CHST12: variants seen among roughly 807,000 people sequenced by gnomAD.
CHST12 encodes the protein carbohydrate sulfotransferase 12.
In CHST12, 23 loss-of-function variants were observed where a neutral mutation model predicts 27.9. The observed-to-expected ratio is 0.82, with a 90% CI of 0.59 to 1.17. CHST12 has a LOEUF of 1.17. CHST12 is among the 50% of genes most tolerant of loss of function. The pLI is 0.00. For missense variants in CHST12, 682 were observed against 603.0 expected, an observed-to-expected ratio of 1.13 and a Z score of -1.37; for synonymous variants, 322 against 273.0, an observed-to-expected ratio of 1.18 and a Z score of -1.77.
rs138895778 is a variant in CHST12, at chr7:2,432,638, G to C, written c.-2G>C. 42 of 1,604,154 alleles carry C rather than the reference G, an allele frequency of 2.6e-5. No homozygotes were observed. In the African/African-American group the frequency reaches 3.7e-4, roughly 14 times the overall value. On this transcript the variant is annotated 5_prime_UTR_variant, in exon 2 of 2. Transcript: ENST00000618655. ...GAGAGGGCCCAGCCCGCCCGGGGCA[G>C]GATGACCAAGGCCCGGCTGTTCCGG...
chr7:2,432,250 G>A (rs559756252), intron 1 of CHST12, among the ~76,000 whole-genome samples: 1 of 150,738 alleles, frequency 6.6e-6, no homozygotes, highest in African/African-American at 2.4e-5. Context: ...CACTCCCTGG[G>A]AGGCGTCCTC....
chr7:2,417,961 G>C (rs1781853969), intron 1 of CHST12, among the ~76,000 whole-genome samples: 2 of 152,252 alleles, frequency 1.3e-5, no homozygotes, highest in East Asian at 3.9e-4. Flanking sequence ...GCTTCTGGGG[G>C]GCTTAATATA....
Position 2,434,112 on chromosome 7 carries a change from A to ACCCGCCCGCCCG in CHST12, c.*230_*241dup, listed in dbSNP as rs890346387. ...TATCCCCTCTCCCCTCCGCCCGCCC[A>ACCCGCCCGCCCG]CCCGCCCGCCCGCTCGCCCGCTCGC... On this transcript the variant is annotated 3_prime_UTR_variant, in exon 2 of 2. Coordinates refer to ENST00000618655, the MANE Select transcript of CHST12 (RefSeq NM_018641.5). 1.2e-5 allele frequency: 4 copies of ACCCGCCCGCCCG among 346,770 alleles called. No individual in the cohort carries two copies. The highest frequency in any genetic ancestry group is 1.5e-5 in the Non-Finnish European group (3 of 193,976). 21.5% of individuals were successfully genotyped at this position (346,770 alleles called of 1,614,324 possible).
At position 2,438,612 on chromosome 7, in the gene CHST12, A is replaced by G. The variant is rs1782530156; in HGVS notation, c.*4728A>G. On this transcript the variant is annotated 3_prime_UTR_variant, in exon 2 of 2. Coordinates refer to ENST00000618655, the MANE Select transcript of CHST12 (RefSeq NM_018641.5). ...TATCCTACCAAACCTAAGAATATCA[A>G]AAGGGAAAGCTTGGCTTGCATGGAC... 2 of 152,246 alleles carry G rather than the reference A, an allele frequency of 1.3e-5. No homozygotes were observed. Among genetic ancestry groups the G allele is most frequent in the Non-Finnish European group, 2.9e-5 (2 of 68,058 alleles). 9.4% of individuals were successfully genotyped at this position (152,246 alleles called of 1,614,324 possible).
intron 1 of CHST12, among the ~76,000 whole-genome samples, chr7:2,430,198 CAT>C (rs1321239431): frequency 6.6e-6 from 1 of 151,982 alleles, no homozygotes; most frequent in Non-Finnish European, 1.5e-5. Context: ...AGAAATGTGT[CAT>C]TTATTTTCCA....
In CHST12 at chr7:2,441,326, G is replaced by GA. The variant is rs1182169282; in HGVS notation, c.*7442_*7443insA. The GA allele has an allele frequency of 2.0e-5, 3 of 152,202 alleles. No individual in the cohort carries two copies. In the East Asian group the frequency reaches 5.8e-4, roughly 29 times the overall value. The allele number at this position is 152,202 out of a possible 1,614,324, so 9.4% of individuals were successfully genotyped here. ...TCCAGCCTAGGTCTCCTGCCCCTGG[G>GA]CTGGAGTTCATCTTTTAGGCAAATT... On this transcript the variant is annotated 3_prime_UTR_variant, in exon 2 of 2. Transcript: ENST00000618655.
In CHST12 at chr7:2,432,800, C is replaced by T. The variant is rs563115579; in HGVS notation, c.161C>T (p.Pro54Leu). Residue 54 changes from proline (P) to leucine (L), a missense_variant, in exon 2 of 2, where the codon CCG becomes CTG. By Grantham distance (98) the Pro-to-Leu change is moderately conservative. Coordinates refer to ENST00000618655, the MANE Select transcript of CHST12 (RefSeq NM_018641.5). ...GGGCCGCCGCTGCCCACGCCCGGGCCGGACAGGGACAGGGAGCTCACGGCC... is the reference window on the plus strand; with the variant it reads ...GGGCCGCCGCTGCCCACGCCCGGGCTGGACAGGGACAGGGAGCTCACGGCC... ...HTGPPLPTPG[P>L]DRDRELTADS... 148 of 1,613,744 alleles carry T rather than the reference C, an allele frequency of 9.2e-5. 1 individual carries two copies. The South Asian group carries it at 1.5e-3, about 16-fold the overall frequency.
rs1285349898 is a variant in CHST12, at chr7:2,432,750, C to T, written c.111C>T (p.His37=). Residue 37 remains histidine (H), a synonymous_variant, in exon 2 of 2, where the codon CAC becomes CAT. Coordinates refer to ENST00000618655, the MANE Select transcript of CHST12 (RefSeq NM_018641.5). ...DSAGAAHFYL[H]TSFSRPHTGP... ...CAGGCGCCGCGCACTTCTACTTGCA[C>T]ACGTCCTTCTCTAGGCCGCACACGG... The T allele has an allele frequency of 1.1e-5, 17 of 1,613,796 alleles. No homozygotes were observed. Among genetic ancestry groups the T allele is most frequent in the Non-Finnish European group, 1.4e-5 (17 of 1,179,858 alleles).
At chr7:2,407,940 T>TA (rs753369585) in intron 1 of CHST12, among the ~76,000 whole-genome samples, 6 of 149,998 alleles carry the variant, frequency 4.0e-5, no homozygotes, top group Non-Finnish European at 7.4e-5. Flanking sequence ...AAATAAAATT[T>TA]AAAAAATTAA....
At position 2,446,245 on chromosome 7, in the gene CHST12, G is replaced by A. The variant is rs1033406791; in HGVS notation, c.*12361G>A. On this transcript the variant is annotated 3_prime_UTR_variant, in exon 2 of 2. Coordinates refer to ENST00000618655, the MANE Select transcript of CHST12 (RefSeq NM_018641.5). ...CCTTGGACCTCAGGCCGTTGACAAG[G>A]AAAAGCGGAGAGTTGGGAAAAAAGG... 2 of 152,786 alleles carry A rather than the reference G, an allele frequency of 1.3e-5. No homozygotes were observed. Among genetic ancestry groups the A allele is most frequent in the Admixed American group, 1.3e-4 (2 of 15,284 alleles). The allele number at this position is 152,786 out of a possible 1,614,324, so 9.5% of individuals were successfully genotyped here.
At position 2,433,502 on chromosome 7, in the gene CHST12, C is replaced by T. The variant is rs377228845; in HGVS notation, c.863C>T (p.Ala288Val). Reference protein sequence around the residue: ...YANHTSLPASAREAFRAGLKV... With the variant: ...YANHTSLPASVREAFRAGLKV... ...AACCACACCAGCCTGCCCGCCTCGG[C>T]GCGCGAGGCCTTCCGCGCTGGCCTC... Residue 288 changes from alanine to valine, a missense_variant, in exon 2 of 2, where the codon GCG becomes GTG. Coordinates refer to ENST00000618655, the MANE Select transcript of CHST12 (RefSeq NM_018641.5). The surrounding 1 kb of genome is among the most constrained non-coding windows in gnomAD (Gnocchi z 6.1). 27 of 1,611,876 alleles carry T rather than the reference C, an allele frequency of 1.7e-5. No individual in the cohort carries two copies. In the Middle Eastern group the frequency reaches 4.9e-4, roughly 29 times the overall value.
intron 1 of CHST12, among the ~76,000 whole-genome samples, chr7:2,423,948 T>A (rs927697186): frequency 6.6e-6 from 1 of 151,848 alleles, no homozygotes; most frequent in Non-Finnish European, 1.5e-5. Flanking sequence ...ACGCCTATGG[T>A]CCCAGCTACT....
At chr7:2,428,664 A>T (rs1196637390) in intron 1 of CHST12, among the ~76,000 whole-genome samples, 6 of 152,220 alleles carry the variant, frequency 3.9e-5, no homozygotes, top group Non-Finnish European at 8.8e-5. Flanking sequence ...CTTTAACATA[A>T]CATCTGTATG....
Position 2,435,858 on chromosome 7 carries a change from G to A in CHST12, c.*1974G>A, listed in dbSNP as rs149237532. The A allele has an allele frequency of 1.5e-3, 231 of 152,296 alleles. 1 individual carries two copies. The highest frequency in any genetic ancestry group is 3.4e-3 in the Middle Eastern group (1 of 294). 9.4% of individuals were successfully genotyped at this position (152,296 alleles called of 1,614,324 possible). A position where few individuals can be genotyped will look rare whatever the true frequency, so the allele number is the denominator to read the frequency against. On this transcript the variant is annotated 3_prime_UTR_variant, in exon 2 of 2. Transcript: ENST00000618655. ...GAGACAGGGTCTCGCTCTGTCATCC[G>A]GGCTGGAATACACTGGTGCAATCAC...
intron 1 of CHST12, among the ~76,000 whole-genome samples, chr7:2,413,578 CAT>C (rs1158559715): frequency 6.6e-6 from 1 of 152,092 alleles, no homozygotes; most frequent in Admixed American, 6.6e-5. Context: ...TTTTAAATGT[CAT>C]ATAAATGGAA....
intron 1 of CHST12, among the ~76,000 whole-genome samples, chr7:2,405,567 A>G (rs906957725): frequency 4.6e-5 from 7 of 152,032 alleles, no homozygotes; most frequent in Non-Finnish European, 1.0e-4. Flanking sequence ...GGTCGTGGTG[A>G]GAATATGGGA....
chr7:2,423,706 C>G (rs1782036079), intron 1 of CHST12, among the ~76,000 whole-genome samples: 1 of 152,168 alleles, frequency 6.6e-6, no homozygotes. Context: ...GAGAATCATC[C>G]CAGCTCCTTT....
chr7:2,431,533 C>A (rs919128488), intron 1 of CHST12, among the ~76,000 whole-genome samples: 1 of 152,192 alleles, frequency 6.6e-6, no homozygotes, highest in African/African-American at 2.4e-5. Flanking sequence ...CCATCTCCTT[C>A]CACCTTGTGG....
rs145552618 is a variant in CHST12, at chr7:2,428,074, G to A, written c.-77-4489G>A. ...CACCTCGGCCTCCCAAAGTGCTGGGGTTACAGGCGTGAGTCACTATGCTGT... is the reference window on the plus strand; with the variant it reads ...CACCTCGGCCTCCCAAAGTGCTGGGATTACAGGCGTGAGTCACTATGCTGT... On this transcript the variant is annotated intron_variant, in intron 1 of 1. Transcript: ENST00000618655. Among the ~76,000 whole-genome samples the A allele has an allele frequency of 1.7e-4, 26 of 152,118 alleles. No homozygotes were observed. The East Asian group carries it at 4.8e-3, about 28-fold the overall frequency.
Sources: gnomAD v4.1 joint callset for allele counts (sites outside exome capture counted in the v4.1 genomes callset) on GRCh38, gnomAD v4.1.1 for gene constraint, Gnocchi (gnomAD v3.1) non-coding constraint, MANE v1.5 for transcripts, NCBI Gene and HGNC (gene_info 2026-07-23, HGNC 2026-07-21) for gene names.